Variants in ZFPM2 observed in about 807,000 individuals in gnomAD.
The protein encoded by ZFPM2 is zinc finger protein, FOG family member 2.
A neutral mutation model predicts 98.6 loss-of-function variants in ZFPM2; 20 were observed. The observed-to-expected ratio is 0.20, with a 90% CI of 0.14 to 0.29. The LOEUF (loss-of-function observed/expected upper bound fraction) is 0.29. ZFPM2 is among the 10% of genes least tolerant of loss of function. The pLI, the probability that ZFPM2 is intolerant of heterozygous loss-of-function variation, is 1.00. For missense variants in ZFPM2, 1,310 were observed against 1,388.6 expected (o/e 0.94, Z 0.90); for synonymous variants, 518 against 502.7 (o/e 1.03, Z -0.41).
chr8:105,744,974 G>A (rs1812309431), intron 5 of ZFPM2, among the ~76,000 whole-genome samples: 1 of 152,110 alleles, frequency 6.6e-6, no homozygotes, highest in Non-Finnish European at 1.5e-5. Flanking sequence ...GATTTTGCAG[G>A]AGCAGTAACG....
intron 1 of ZFPM2, among the ~76,000 whole-genome samples, chr8:105,322,801 C>A: frequency 6.6e-6 from 1 of 152,016 alleles, no homozygotes; most frequent in East Asian, 1.9e-4. Flanking sequence ...ATCTTGTTAG[C>A]AGTTCGGTAG....
intron 2 of ZFPM2, among the ~76,000 whole-genome samples, chr8:105,430,219 T>C (rs2130136451): frequency 6.6e-6 from 1 of 152,276 alleles, no homozygotes; most frequent in South Asian, 2.1e-4. Flanking sequence ...CACCTAATTT[T>C]GTAGGTGGGA....
At chr8:105,356,070 C>A (rs774616344) in intron 1 of ZFPM2, among the ~76,000 whole-genome samples, 18 of 152,310 alleles carry the variant, frequency 1.2e-4, no homozygotes, top group Admixed American at 2.6e-4. Flanking sequence ...TAACTCCTTA[C>A]ATGGAAGTTT....
At chr8:105,427,127 G>A (rs1484748027) in intron 2 of ZFPM2, among the ~76,000 whole-genome samples, 1 of 152,282 alleles carries the variant, frequency 6.6e-6, no homozygotes, top group Non-Finnish European at 1.5e-5. Flanking sequence ...TTGGGAAAAT[G>A]GGAGAGCATG....
chr8:105,788,764 A>G lies in ZFPM2; in HGVS notation c.579A>G (p.Glu193=), dbSNP rs1586267401. The G allele has an allele frequency of 2.5e-6, 4 of 1,613,930 alleles. No individual in the cohort carries two copies. The highest frequency in any genetic ancestry group is 3.4e-6 in the Non-Finnish European group (4 of 1,179,826). ...CTACGAAGGCCATCTCTGAGGGTGAAGAGCTAATTGCCTTTGTGGTGGATT... is the reference window on the plus strand; with the variant it reads ...CTACGAAGGCCATCTCTGAGGGTGAGGAGCTAATTGCCTTTGTGGTGGATT... ...CTTTKAISEG[E]ELIAFVVDFD... is the part of the protein sequence containing the mutation. The change falls in exon 6 of 8, where the codon GAA becomes GAG. Residue 193 remains glutamate, a synonymous_variant. Coordinates refer to ENST00000407775, the MANE Select transcript of ZFPM2 (RefSeq NM_012082.4).
At chr8:105,442,592 T>G (rs1459224848) in intron 2 of ZFPM2, among the ~76,000 whole-genome samples, 1 of 152,050 alleles carries the variant, frequency 6.6e-6, no homozygotes, top group African/African-American at 2.4e-5. Flanking sequence ...ATATTTTAAT[T>G]TAAGACATGG....
intron 5 of ZFPM2, among the ~76,000 whole-genome samples, chr8:105,729,283 T>C (rs1371377043): frequency 6.6e-6 from 1 of 151,716 alleles, no homozygotes; most frequent in South Asian, 2.1e-4. Context: ...GAGCCACATA[T>C]ACAACACCTA....
At chr8:105,672,239 G>A (rs1206339922) in intron 5 of ZFPM2, among the ~76,000 whole-genome samples, 2 of 151,634 alleles carry the variant, frequency 1.3e-5, no homozygotes, top group Admixed American at 6.6e-5. Context: ...TATTCTATTA[G>A]GTAAGAGAAA....
At chr8:105,679,016 A>G (rs1359981469) in intron 5 of ZFPM2, 1 of 152,186 alleles carries the variant, frequency 6.6e-6, no homozygotes, top group East Asian at 1.9e-4. Context: ...TAAACAAATA[A>G]AAAACTCTTT....
At position 105,801,840 on chromosome 8, in the gene ZFPM2, T is replaced by C. The variant is rs1416506538; in HGVS notation, c.1758T>C (p.Ser586=). 3.7e-6 allele frequency: 6 copies of C among 1,613,878 alleles called. No homozygotes were observed. The highest frequency in any genetic ancestry group is 5.1e-6 in the Non-Finnish European group (6 of 1,179,880). The change falls in exon 8 of 8, where the codon AGT becomes AGC. Residue 586 remains serine, a synonymous_variant. Coordinates refer to ENST00000407775, the MANE Select transcript of ZFPM2 (RefSeq NM_012082.4). ...TGGCTAAGTCCCCAGAGTTCCCTAGTGTGTCAGAAAAGATGCCTGAAGCTT... is the reference window on the plus strand; with the variant it reads ...TGGCTAAGTCCCCAGAGTTCCCTAGCGTGTCAGAAAAGATGCCTGAAGCTT... The part of the protein sequence containing the change: ...QQMAKSPEFP[S]VSEKMPEALS...
At chr8:105,636,511 T>G (rs982290938) in intron 5 of ZFPM2, among the ~76,000 whole-genome samples, 3 of 152,156 alleles carry the variant, frequency 2.0e-5, no homozygotes, top group Non-Finnish European at 4.4e-5. Flanking sequence ...TTCATGATCA[T>G]GAATATACAG....
At chr8:105,550,340 G>A (rs116724886) in intron 3 of ZFPM2, among the ~76,000 whole-genome samples, 4,210 of 152,166 alleles carry the variant, frequency 0.028, 201 homozygotes, top group African/African-American at 0.096. Flanking sequence ...TGGGTTTGAG[G>A]TCAATCCTTC....
intron 5 of ZFPM2, among the ~76,000 whole-genome samples, chr8:105,780,000 G>GT (rs1225839940): frequency 6.6e-6 from 1 of 152,176 alleles, no homozygotes; most frequent in Admixed American, 6.5e-5. Flanking sequence ...GTTAGAAACC[G>GT]TATCTGGTTG....
chr8:105,727,833 A>T (rs980736116), intron 5 of ZFPM2, among the ~76,000 whole-genome samples: 9 of 151,708 alleles, frequency 5.9e-5, no homozygotes, highest in African/African-American at 2.2e-4. Context: ...AAAGTATCAT[A>T]GAGCAATTGA....
rs183185449 is a variant in ZFPM2, at chr8:105,731,417, G to A, written c.533-57301G>A. Among the ~76,000 whole-genome samples, 38 of 151,600 alleles carry A rather than the reference G, an allele frequency of 2.5e-4. No homozygotes were observed. The East Asian group carries it at 6.5e-3, about 26-fold the overall frequency. On this transcript the variant is annotated intron_variant, in intron 5 of 7. Coordinates refer to ENST00000407775, the MANE Select transcript of ZFPM2 (RefSeq NM_012082.4). ...GAAGGAAGCATGCTATAATATCTGT[G>A]CTATTTGGATAAGCAGAAAAGAAAT...
At chr8:105,368,488 A>G (rs1233067589) in intron 1 of ZFPM2, among the ~76,000 whole-genome samples, 3 of 152,224 alleles carry the variant, frequency 2.0e-5, no homozygotes, top group Non-Finnish European at 4.4e-5. Context: ...TTCAAAAGTT[A>G]AATTAAAACA....
intron 5 of ZFPM2, among the ~76,000 whole-genome samples, chr8:105,656,640 T>C (rs1817291386): frequency 6.6e-6 from 1 of 152,200 alleles, no homozygotes; most frequent in African/African-American, 2.4e-5. Context: ...TCCTTGCTTC[T>C]GGTTTTTCGA....
At chr8:105,503,976 CA>C (rs1813647386) in intron 3 of ZFPM2, among the ~76,000 whole-genome samples, 1 of 152,164 alleles carries the variant, frequency 6.6e-6, no homozygotes, top group South Asian at 2.1e-4. Flanking sequence ...CCCATGATTT[CA>C]TGAATAACAT....
intron 4 of ZFPM2, among the ~76,000 whole-genome samples, chr8:105,563,754 A>T (rs1016412470): frequency 6.6e-6 from 1 of 152,148 alleles, no homozygotes; most frequent in African/African-American, 2.4e-5. Context: ...GTCTTCTAGC[A>T]TTGCTTACTA....
Sources: gnomAD v4.1 joint callset for allele counts (sites outside exome capture counted in the v4.1 genomes callset) on GRCh38, gnomAD v4.1.1 for gene constraint, MANE v1.5 for transcripts, NCBI Gene and HGNC (gene_info 2026-07-23, HGNC 2026-07-21) for gene names.